The following PCDHGA3 variants were observed in gnomAD, a reference collection of about 807,000 sequenced individuals.
PCDHGA3 encodes the protein protocadherin gamma subfamily A, 3.
A neutral mutation model predicts 58.5 loss-of-function variants in PCDHGA3; 40 were observed. That is an observed-to-expected ratio of 0.68 (90% CI 0.53 to 0.89). PCDHGA3 has a LOEUF of 0.89. Ranked by LOEUF, PCDHGA3 falls within the 40% of genes least tolerant of loss-of-function variation. The pLI is 0.00. For missense variants in PCDHGA3, 1,223 were observed against 1,195.9 expected (o/e 1.02, Z -0.33); for synonymous variants, 530 against 525.7 (o/e 1.01, Z -0.11).
At chr5:141,502,697 T>C (rs893610041) in intron 2 of PCDHGA3, among the ~76,000 whole-genome samples, 13 of 152,208 alleles carry the variant, frequency 8.5e-5, no homozygotes, top group African/African-American at 3.1e-4. Context: ...CTTGCCTGTA[T>C]CTGTTTTTAC....
At chr5:141,495,841 G>A (rs1187067340) in intron 2 of PCDHGA3, among the ~76,000 whole-genome samples, 1 of 151,864 alleles carries the variant, frequency 6.6e-6, no homozygotes, top group Non-Finnish European at 1.5e-5. Context: ...CAGCCTCTAT[G>A]TTTCTCTGTC....
At chr5:141,376,221 C>A (rs919176873) in intron 1 of PCDHGA3, 8 of 1,614,216 alleles carry the variant, frequency 5.0e-6, no homozygotes, top group Middle Eastern at 1.7e-4. Context: ...GTGCTGCTGG[C>A]GCTCAGACTG....
At chr5:141,353,277 G>A (rs1759234341) in intron 1 of PCDHGA3, among the ~76,000 whole-genome samples, 1 of 152,218 alleles carries the variant, frequency 6.6e-6, no homozygotes, top group South Asian at 2.1e-4. Context: ...ATATTTTCAA[G>A]TCATTTTATT....
chr5:141,500,036 T>C (rs1001193977), intron 2 of PCDHGA3, among the ~76,000 whole-genome samples: 8 of 152,176 alleles, frequency 5.3e-5, no homozygotes, highest in African/African-American at 1.9e-4. Flanking sequence ...TGAGTGTCTC[T>C]TAAGTATCTT....
At position 141,372,796 on chromosome 5, in the gene PCDHGA3, G is replaced by A. The variant is rs1466519427; in HGVS notation, c.2424+26339G>A. ...AATCCAGAAATGCCTTCTAATTCAG[G>A]CAATTTGCAAAAGGTGAGTTTCTTC... On this transcript the variant is annotated intron_variant, in intron 1 of 3. Coordinates refer to ENST00000253812, the MANE Select transcript of PCDHGA3 (RefSeq NM_018916.4). 7.5e-6 allele frequency: 12 copies of A among 1,597,700 alleles called. No individual in the cohort carries two copies. Among genetic ancestry groups the A allele is most frequent in the Non-Finnish European group, 1.0e-5 (12 of 1,171,762 alleles).
At chr5:141,391,795 A>G (rs1220181718) in intron 1 of PCDHGA3, 2 of 152,206 alleles carry the variant, frequency 1.3e-5, no homozygotes, top group African/African-American at 4.8e-5. Context: ...GCAGTTTTTT[A>G]GATCAAAGTG....
Position 141,489,712 on chromosome 5 carries a change from C to T in PCDHGA3, c.2425-5095C>T. On this transcript the variant is annotated intron_variant, in intron 1 of 3. Coordinates refer to ENST00000253812, the MANE Select transcript of PCDHGA3 (RefSeq NM_018916.4). The surrounding 1 kb of genome is among the most constrained non-coding windows in gnomAD (Gnocchi z 4.5). The stretch of plus-strand genomic sequence containing the variant: ...GGCACGATTCCCACTGGACAGTGCC[C>T]AGGATCCGGATGTGGGCACCAATAC... The T allele has an allele frequency of 6.2e-7, 1 of 1,614,162 alleles. No individual in the cohort carries two copies. The highest frequency in any genetic ancestry group is 1.1e-5 in the South Asian group (1 of 91,078).
At chr5:141,469,807 T>C (rs1294838215) in intron 1 of PCDHGA3, among the ~76,000 whole-genome samples, 1 of 152,070 alleles carries the variant, frequency 6.6e-6, no homozygotes, top group African/African-American at 2.4e-5. Context: ...AAAAACATTG[T>C]AGATAGAATG....
intron 1 of PCDHGA3, among the ~76,000 whole-genome samples, chr5:141,456,691 G>A (rs564429451): frequency 3.3e-5 from 5 of 152,234 alleles, no homozygotes; most frequent in South Asian, 4.1e-4. Flanking sequence ...CTGGCCAGGC[G>A]TGGTGGCTCG....
intron 1 of PCDHGA3, among the ~76,000 whole-genome samples, chr5:141,455,997 A>C (rs1373055623): frequency 1.3e-5 from 2 of 151,626 alleles, no homozygotes. Context: ...TCTCGGGTTC[A>C]TGCCATTCTC....
rs763072566 is a variant in PCDHGA3 at position 141,419,417 on chromosome 5, T to G, written c.2424+72960T>G. The stretch of plus-strand genomic sequence containing the variant: ...CGGGGTGGTGTTCGCGCAGCGCGCC[T>G]TCGACCACGAGCAGCTGCGCACCTT... On this transcript the variant is annotated intron_variant, in intron 1 of 3. Transcript: ENST00000253812. 3.0e-5 allele frequency: 48 copies of G among 1,613,288 alleles called. No homozygotes were observed. Among genetic ancestry groups the G allele is most frequent in the Non-Finnish European group, 3.8e-5 (45 of 1,179,884 alleles).
chr5:141,361,581 C>T (rs1306719531), intron 1 of PCDHGA3: 2 of 1,614,056 alleles, frequency 1.2e-6, no homozygotes, highest in South Asian at 1.1e-5. Flanking sequence ...CTGACTTGGG[C>T]CCCAGTGGCC....
chr5:141,410,184 A>AT, intron 1 of PCDHGA3: 1 of 1,613,918 alleles, frequency 6.2e-7, no homozygotes, highest in Non-Finnish European at 8.5e-7. Context: ...GCCACGCTTC[A>AT]TCTGGTCTTC....
chr5:141,495,109 C>A (rs1445945970), intron 2 of PCDHGA3, among the ~76,000 whole-genome samples: 3 of 152,278 alleles, frequency 2.0e-5, no homozygotes, highest in South Asian at 2.1e-4. Context: ...CGACCGGCAC[C>A]TTTTCCTATC....
chr5:141,403,213 G>A (rs1314899957), intron 1 of PCDHGA3: 1 of 1,613,970 alleles, frequency 6.2e-7, no homozygotes, highest in Non-Finnish European at 8.5e-7. Flanking sequence ...TGGTCACCGC[G>A]GGTAGGATAG....
chr5:141,432,864 G>A lies in PCDHGA3; in HGVS notation c.2425-61943G>A. On this transcript the variant is annotated intron_variant, in intron 1 of 3. Coordinates refer to ENST00000253812, the MANE Select transcript of PCDHGA3 (RefSeq NM_018916.4). The surrounding 1 kb of genome is among the most constrained non-coding windows in gnomAD (Gnocchi z 6.0). ...GTGGTAGCGGTGGCCGCGGTCTCCT[G>A]CGTCTTCCTGGCCTTCGTCATCTTG... 6.2e-7 allele frequency: 1 copy of A among 1,614,168 alleles called. No individual in the cohort carries two copies. Among genetic ancestry groups the A allele is most frequent in the South Asian group, 1.1e-5 (1 of 91,084 alleles).
At chr5:141,421,618 G>A (rs748399893) in intron 1 of PCDHGA3, 1 of 1,613,766 alleles carries the variant, frequency 6.2e-7, no homozygotes, top group African/African-American at 1.3e-5. Context: ...TAATGATAAC[G>A]CCCCCAGCTT....
chr5:141,365,052 T>C (rs1179156267), intron 1 of PCDHGA3: 13 of 1,613,872 alleles, frequency 8.1e-6, no homozygotes, highest in Middle Eastern at 1.6e-4. Flanking sequence ...AATGCGCCCC[T>C]GTTCACCCCA....
At chr5:141,430,551 C>T (rs2097292247) in intron 1 of PCDHGA3, 2 of 406,412 alleles carry the variant, frequency 4.9e-6, no homozygotes, top group Admixed American at 4.1e-5. Context: ...CCGCTGTTCA[C>T]CAATCGGGGA....
Sources: allele counts gnomAD v4.1 joint callset (sites outside exome capture counted in the v4.1 genomes callset), GRCh38; gene constraint gnomAD v4.1.1; non-coding constraint Gnocchi (gnomAD v3.1); transcripts MANE v1.5; gene names NCBI Gene and HGNC (gene_info 2026-07-23, HGNC 2026-07-21).